DOCK11: variants seen among roughly 807,000 people sequenced by gnomAD.
DOCK11 encodes the protein dedicator of cytokinesis protein 11.
Under a neutral mutation model 169.1 loss-of-function variants are expected in DOCK11, and 70 were observed. The ratio of observed to expected loss-of-function variants is 0.41; its 90% CI spans 0.34 to 0.51. The LOEUF (loss-of-function observed/expected upper bound fraction) is 0.51. Among genes scored for constraint, DOCK11 ranks in the 20% least tolerant of loss-of-function variants. The pLI is 0.10. For missense variants in DOCK11, 1,166 were observed against 1,538.8 expected (o/e 0.76, Z 4.05); for synonymous variants, 529 against 541.3 (o/e 0.98, Z 0.32).
chrX:118,593,187 C>G (rs1451758399), intron 19 of DOCK11, 27 bp from the exon 20 acceptor site: 2 of 1,180,900 alleles, frequency 1.7e-6, no homozygotes, highest in Admixed American at 4.8e-5. Flanking sequence ...AAACGAAGTT[C>G]CATGTGTAAT....
At chrX:118,656,267 T>TAATAAATAAATAAATA (rs749224053) in intron 44 of DOCK11, among the ~76,000 whole-genome samples, 158 of 108,114 alleles carry the variant, frequency 1.5e-3, no homozygotes, top group Middle Eastern at 4.8e-3. Flanking sequence ...TCTCAAAAAA[T>TAATAAATAAATAAATA]AATAAATAAA....
chrX:118,513,369 C>G (rs1318686922), intron 1 of DOCK11, among the ~76,000 whole-genome samples: 1 of 112,351 alleles, frequency 8.9e-6, no homozygotes, highest in Non-Finnish European at 1.9e-5. Context: ...AGCTACACAT[C>G]TGGCAAGGTT....
Position 118,495,877 on chromosome X carries a change from A to T in DOCK11, c.-95A>T, listed in dbSNP as rs1378562792. The T allele has an allele frequency of 4.3e-5, 17 of 399,729 alleles. No individual in the cohort carries two copies. The highest frequency in any genetic ancestry group is 7.9e-5 in the Admixed American group (1 of 12,651). The allele number at this position is 399,729 out of a possible 1,213,427, so 32.9% of individuals were successfully genotyped here. The stretch of plus-strand genomic sequence containing the variant: ...GGCCGGCCGGCGAGTAAACAGAGGG[A>T]GCAGCAGCGGCCGCGGCCGCCGCGG... On this transcript the variant is annotated 5_prime_UTR_variant, in exon 1 of 53. Transcript: ENST00000276202.
chrX:118,591,761 T>C (rs2014000442), intron 19 of DOCK11, among the ~76,000 whole-genome samples: 1 of 81,580 alleles, frequency 1.2e-5, no homozygotes, highest in African/African-American at 3.9e-5. Context: ...TAGGTATATC[T>C]CCTAATGCTG....
chrX:118,682,186 C>T (rs1259069528), intron 51 of DOCK11, among the ~76,000 whole-genome samples: 2 of 110,086 alleles, frequency 1.8e-5, no homozygotes, highest in Non-Finnish European at 1.9e-5. Flanking sequence ...CACTCCAGTC[C>T]CCTGTCCTTA....
At chrX:118,520,593 G>C (rs1221710109) in intron 1 of DOCK11, among the ~76,000 whole-genome samples, 2 of 111,851 alleles carry the variant, frequency 1.8e-5, no homozygotes, top group Admixed American at 1.9e-4. Flanking sequence ...GATAATACAA[G>C]ATGGAGCTGT....
intron 52 of DOCK11, chrX:118,685,482 C>T: frequency 2.7e-6 from 1 of 371,645 alleles, no homozygotes; most frequent in Non-Finnish European, 4.3e-6. Flanking sequence ...GTAACTAGAT[C>T]TTTTCTGCTT....
intron 19 of DOCK11, among the ~76,000 whole-genome samples, chrX:118,592,456 C>T (rs1339909409): frequency 8.9e-6 from 1 of 111,983 alleles, no homozygotes; most frequent in Non-Finnish European, 1.9e-5. Flanking sequence ...AATGAACATG[C>T]TTTCAATCAT....
At chrX:118,619,015 G>A (rs180869860) in intron 31 of DOCK11, among the ~76,000 whole-genome samples, 24 of 107,503 alleles carry the variant, frequency 2.2e-4, no homozygotes, top group Middle Eastern at 4.8e-3. Flanking sequence ...GTGCCACCAC[G>A]CCTGGCTAAT....
At chrX:118,673,211 G>C (rs904628651) in intron 46 of DOCK11, among the ~76,000 whole-genome samples, 4 of 112,154 alleles carry the variant, frequency 3.6e-5, no homozygotes, top group Non-Finnish European at 7.5e-5. Context: ...ATACATTAAA[G>C]GAAATGATGT....
Position 118,648,996 on chromosome X carries a change from T to C in DOCK11, c.4450T>C (p.Tyr1484His). ...GRVNMCAAFC[Y>H]EVLKCCTSKI... is the part of the protein sequence containing the mutation. ...AGTAAACATGTGTGCTGCATTTTGC[T>C]ATGAGGTTTTAAAGTGCTGCACATC... The change falls in exon 41 of 53, where the codon TAT (tyrosine) becomes CAT (histidine). Residue 1484 changes from tyrosine to histidine, a missense_variant. By Grantham distance (83) the Tyr-to-His change is moderately conservative. Transcript: ENST00000276202. 6 of 1,207,805 alleles carry C rather than the reference T, an allele frequency of 5.0e-6. No individual in the cohort carries two copies. The highest frequency in any genetic ancestry group is 6.7e-6 in the Non-Finnish European group (6 of 893,836).
chrX:118,643,546 A>C lies in DOCK11; in HGVS notation c.4350A>C (p.Glu1450Asp). ...CTTTTCTTAAAAATGGACAATCTGA[A>C]GTGTCGCTGAAACATGTATTTGCCT... Reference protein sequence around the residue: ...HLAFLKNGQSEVSLKHVFASL... With the variant: ...HLAFLKNGQSDVSLKHVFASL... The change falls in exon 40 of 53, where the codon GAA (glutamate) becomes GAC (aspartate). Residue 1450 changes from glutamate (E) to aspartate (D), a missense_variant. Glu to Asp is a conservative substitution (Grantham distance 45). Transcript: ENST00000276202. 8.3e-7 allele frequency: 1 copy of C among 1,211,314 alleles called. No homozygotes were observed. Among genetic ancestry groups the C allele is most frequent in the African/African-American group, 1.7e-5 (1 of 57,784 alleles).
chrX:118,646,036 A>G (rs940353075), intron 40 of DOCK11, among the ~76,000 whole-genome samples: 1 of 99,617 alleles, frequency 1.0e-5, no homozygotes, highest in African/African-American at 3.7e-5. Flanking sequence ...AGCTTGGGCA[A>G]CAGAGCGAGA....
intron 1 of DOCK11, among the ~76,000 whole-genome samples, chrX:118,501,894 A>G (rs1366399861): frequency 1.8e-5 from 2 of 112,040 alleles, no homozygotes; most frequent in South Asian, 3.7e-4. Context: ...TAGGAAATAA[A>G]TGGTACATCA....
At chrX:118,606,119 C>A (rs1438799752) in intron 24 of DOCK11, among the ~76,000 whole-genome samples, 1 of 88,475 alleles carries the variant, frequency 1.1e-5, no homozygotes, top group Non-Finnish European at 2.1e-5. Context: ...CAGAGTTTCG[C>A]TCTTGTTGCC....
intron 31 of DOCK11, 64 bp downstream of exon 31, chrX:118,618,792 A>G (rs2014887852): frequency 3.2e-6 from 3 of 937,999 alleles, no homozygotes; most frequent in South Asian, 6.3e-5. Context: ...TTTTTATAGA[A>G]GATGAAGTTT....
chrX:118,663,674 C>CTT (rs751159854), intron 45 of DOCK11, among the ~76,000 whole-genome samples: 9,666 of 59,964 alleles, frequency 0.16, 739 homozygotes, highest in Middle Eastern at 0.19. Context: ...GCATCAAAGT[C>CTT]TTTTTTTTTT....
chrX:118,675,233 A>G (rs1421033508), intron 46 of DOCK11, among the ~76,000 whole-genome samples: 1 of 111,894 alleles, frequency 8.9e-6, no homozygotes, highest in East Asian at 2.8e-4. Flanking sequence ...AGCAGTCCTC[A>G]CTGCAGCTTA....
chrX:118,534,443 T>G (rs1299822539), intron 1 of DOCK11, among the ~76,000 whole-genome samples: 1 of 112,458 alleles, frequency 8.9e-6, no homozygotes, highest in Non-Finnish European at 1.9e-5. Flanking sequence ...GCTCTTGAGT[T>G]TTTGTAAATA....
Sources: allele counts gnomAD v4.1 joint callset (sites outside exome capture counted in the v4.1 genomes callset), GRCh38; gene constraint gnomAD v4.1.1; transcripts MANE v1.5; gene names NCBI Gene and HGNC (gene_info 2026-07-23, HGNC 2026-07-21).